Variants in GYPC observed in about 807,000 individuals in gnomAD.
GYPC encodes glycophorin-C.
GYPC carries 14 observed loss-of-function variants against 12.6 expected under a neutral mutation model. The observed-to-expected ratio is 1.11, with a 90% CI of 0.74 to 1.74. The LOEUF is 1.74. Among genes scored for constraint, GYPC ranks in the 40% most tolerant of loss-of-function variants. The probability of loss-of-function intolerance (pLI) is 0.00; values close to 1 mark genes in which losing one functional copy is unlikely to be tolerated. For synonymous variants in GYPC, 78 were observed against 62.1 expected (o/e 1.26, Z -1.20); for missense variants, 225 against 172.1 (o/e 1.31, Z -1.72).
At position 126,694,873 on chromosome 2, in the gene GYPC, G is replaced by C. The variant is rs371184240; in HGVS notation, c.190+926G>C. On this transcript the variant is annotated intron_variant, in intron 3 of 3. Transcript: ENST00000259254. Reference sequence around the variant, plus strand: ...AACACCCCCACCCCATGAGACTGCTGCCCCCTCACTTTCAAGGTCCTGAGT... The same window carrying C: ...AACACCCCCACCCCATGAGACTGCTCCCCCCTCACTTTCAAGGTCCTGAGT... 2.6e-4 allele frequency among the ~76,000 whole-genome samples: 39 copies of C among 151,770 alleles called. 1 individual carries two copies. The South Asian group carries it at 7.7e-3, about 30-fold the overall frequency.
At chr2:126,679,004 A>G (rs1360417781) in intron 1 of GYPC, 4 of 152,248 alleles carry the variant, frequency 2.6e-5, no homozygotes, top group African/African-American at 7.2e-5. Flanking sequence ...AAGCGTACCT[A>G]ACTAAATCAT....
At chr2:126,693,405 G>T (rs1219518660) in intron 2 of GYPC, among the ~76,000 whole-genome samples, 6 of 152,158 alleles carry the variant, frequency 3.9e-5, no homozygotes, top group Admixed American at 6.5e-5. Context: ...AGAACTGTGA[G>T]CCAAATAAAC....
At chr2:126,672,626 G>T (rs1682882688) in intron 1 of GYPC, among the ~76,000 whole-genome samples, 1 of 152,136 alleles carries the variant, frequency 6.6e-6, no homozygotes, top group Non-Finnish European at 1.5e-5. Context: ...CGCAGCTCTG[G>T]GTCAGTGCGA....
chr2:126,666,709 A>C (rs1203156517), intron 1 of GYPC, among the ~76,000 whole-genome samples: 10 of 1,898 alleles, frequency 5.3e-3, no homozygotes, highest in Non-Finnish European at 9.2e-3. Context: ...CTCCCTCCCT[A>C]CACACACACA....
chr2:126,696,368 A>G lies in GYPC; in HGVS notation c.*226A>G, dbSNP rs560992295. On this transcript the variant is annotated 3_prime_UTR_variant, in exon 4 of 4. Coordinates refer to ENST00000259254, the MANE Select transcript of GYPC (RefSeq NM_002101.5). ...GACCCAGGGAGGCGATGGCCACCCC[A>G]GAGGCCACCTTTTGCTCCACGGAGG... The G allele has an allele frequency of 1.6e-4, 88 of 544,148 alleles. 1 individual carries two copies. In the South Asian group the frequency reaches 1.7e-3, roughly 11 times the overall value. The allele number at this position is 544,148 out of a possible 1,614,324, so 33.7% of individuals were successfully genotyped here.
At chr2:126,676,788 A>T (rs1408330403) in intron 1 of GYPC, among the ~76,000 whole-genome samples, 1 of 152,108 alleles carries the variant, frequency 6.6e-6, no homozygotes, top group Non-Finnish European at 1.5e-5. Flanking sequence ...GTGAAGAGAG[A>T]TGGCTTTTTC....
At chr2:126,690,430 G>T (rs140487659) in intron 2 of GYPC, 119 bp downstream of exon 2, 15 of 792,894 alleles carry the variant, frequency 1.9e-5, no homozygotes, top group Non-Finnish European at 2.9e-5. Context: ...ATCCAGGGGA[G>T]AACTGACCTA....
chr2:126,677,192 A>AGT (rs201904253), intron 1 of GYPC, among the ~76,000 whole-genome samples: 17 of 151,554 alleles, frequency 1.1e-4, no homozygotes, highest in African/African-American at 1.9e-4. Context: ...TGTGCATGAG[A>AGT]GTGTGTGTGT....
At chr2:126,660,443 G>A (rs934665564) in intron 1 of GYPC, among the ~76,000 whole-genome samples, 1 of 152,174 alleles carries the variant, frequency 6.6e-6, no homozygotes, top group Admixed American at 6.5e-5. Flanking sequence ...CACGCCGCGG[G>A]CCTGGCACAC....
chr2:126,661,904 G>T (rs1682545952), intron 1 of GYPC, among the ~76,000 whole-genome samples: 1 of 152,214 alleles, frequency 6.6e-6, no homozygotes, highest in Non-Finnish European at 1.5e-5. Context: ...GGTGGCCTTG[G>T]TTATCTCCCT....
intron 1 of GYPC, among the ~76,000 whole-genome samples, chr2:126,670,941 C>G (rs1682835619): frequency 1.3e-5 from 2 of 152,156 alleles, no homozygotes; most frequent in African/African-American, 4.8e-5. Context: ...CAAGCCTAAA[C>G]TATTTACTGT....
chr2:126,656,392 C>T, intron 1 of GYPC, 80 bp downstream of exon 1: 1 of 1,258,576 alleles, frequency 7.9e-7, no homozygotes, highest in South Asian at 1.3e-5. Flanking sequence ...GAGCCACGGC[C>T]ACGGACGCCC....
At chr2:126,670,220 C>T (rs1573561512) in intron 1 of GYPC, among the ~76,000 whole-genome samples, 1 of 152,222 alleles carries the variant, frequency 6.6e-6, no homozygotes, top group Non-Finnish European at 1.5e-5. Context: ...CAGAGCTGCT[C>T]TAGCCTCACT....
At chr2:126,670,503 C>T (rs1682819897) in intron 1 of GYPC, among the ~76,000 whole-genome samples, 1 of 152,202 alleles carries the variant, frequency 6.6e-6, no homozygotes, top group African/African-American at 2.4e-5. Flanking sequence ...TGTGTCCTCA[C>T]AGGCACTTCT....
chr2:126,693,987 G>A (rs1413382442), intron 3 of GYPC, 40 bp downstream of exon 3: 1 of 1,366,024 alleles, frequency 7.3e-7, no homozygotes, highest in East Asian at 2.3e-5. Context: ...AGCCAGGGTG[G>A]GGGGCCTTGG....
chr2:126,679,335 C>T (rs1211607228), intron 1 of GYPC, among the ~76,000 whole-genome samples: 1 of 152,096 alleles, frequency 6.6e-6, no homozygotes, highest in Non-Finnish European at 1.5e-5. Flanking sequence ...ACACCAGGAA[C>T]TTGATAAATG....
At position 126,693,889 on chromosome 2, in the gene GYPC, GC is replaced by G; in HGVS notation, c.134del (p.Pro45ArgfsTer12). On this transcript the variant is annotated frameshift_variant, in exon 3 of 4. Coordinates refer to ENST00000259254, the MANE Select transcript of GYPC (RefSeq NM_002101.5). LOFTEE classifies it high-confidence loss of function. ...AEPDPGMSGWPDGRMETSTPT... is the reference protein window; with the variant it reads ...AEPDPGMSGWXDGRMETSTPT... The stretch of plus-strand genomic sequence containing the variant: ...AGCCTGATCCAGGGATGTCTGGATG[GC>G]CGGATGGCAGAATGGAGACCTCCAC... 1 of 1,612,108 alleles carries G rather than the reference GC, an allele frequency of 6.2e-7. No individual in the cohort carries two copies.
chr2:126,685,824 G>T, intron 1 of GYPC: 1 of 985,232 alleles, frequency 1.0e-6, no homozygotes. Flanking sequence ...GTTTGTCATT[G>T]CAGGAAGTCT....
intron 1 of GYPC, among the ~76,000 whole-genome samples, chr2:126,674,926 G>A (rs1304563156): frequency 6.6e-6 from 1 of 152,206 alleles, no homozygotes; most frequent in Non-Finnish European, 1.5e-5. Flanking sequence ...CAATATTTGG[G>A]ACATACTTGT....
Sources: allele counts gnomAD v4.1 joint callset (sites outside exome capture counted in the v4.1 genomes callset), GRCh38; gene constraint gnomAD v4.1.1; transcripts MANE v1.5; gene names NCBI Gene and HGNC (gene_info 2026-07-23, HGNC 2026-07-21).